ADAMTS7: variants seen among roughly 807,000 people sequenced by gnomAD.
ADAMTS7 encodes the protein ADAM metallopeptidase with thrombospondin type 1 motif 7, also known as A disintegrin and metalloproteinase with thrombospondin motifs 7.
A neutral mutation model predicts 172.6 loss-of-function variants in ADAMTS7; 89 were observed. The observed-to-expected ratio is 0.52, with a 90% CI of 0.43 to 0.61. ADAMTS7 has a LOEUF of 0.61. ADAMTS7 is among the 20% of genes least tolerant of loss of function. The pLI is 0.00. For missense variants in ADAMTS7, 1,973 were observed against 2,355.6 expected (o/e 0.84, Z 3.36); for synonymous variants, 885 against 978.4 (o/e 0.90, Z 1.78).
chr15:78,791,337 G>C, intron 4 of ADAMTS7, 114 bp from the exon 5 acceptor site: 1 of 772,692 alleles, frequency 1.3e-6, no homozygotes, highest in South Asian at 1.7e-5. Flanking sequence ...CTCACACACA[G>C]GGACTCTCAC....
chr15:78,790,618 C>T (rs746066894), intron 6 of ADAMTS7, 52 bp downstream of exon 6: 2 of 1,603,454 alleles, frequency 1.2e-6, no homozygotes, highest in Admixed American at 3.3e-5. Context: ...TTCTGCAGGG[C>T]CGGGAAGCAC....
intron 8 of ADAMTS7, among the ~76,000 whole-genome samples, chr15:78,787,966 C>T (rs1016767553): frequency 6.7e-6 from 1 of 149,970 alleles, no homozygotes; most frequent in Non-Finnish European, 1.5e-5. Context: ...TGAATTCTTG[C>T]TCCTCCTCCA....
At chr15:78,779,553 G>T (rs1462944924) in intron 8 of ADAMTS7, among the ~76,000 whole-genome samples, 1 of 152,210 alleles carries the variant, frequency 6.6e-6, no homozygotes, top group African/African-American at 2.4e-5. Context: ...AGACCTGGTG[G>T]GGAGAAAGGA....
At chr15:78,777,613 G>A (rs1215440963) in intron 8 of ADAMTS7, 25 bp from the exon 9 acceptor site, 1 of 1,587,074 alleles carries the variant, frequency 6.3e-7, no homozygotes, top group East Asian at 2.3e-5. Flanking sequence ...GGAGGATGGA[G>A]GGGGGCGCAG....
chr15:78,788,395 CA>C (rs764383942), intron 7 of ADAMTS7, 21 bp from the exon 8 acceptor site: 1 of 1,610,290 alleles, frequency 6.2e-7, no homozygotes, highest in African/African-American at 1.3e-5. Context: ...GCACAGGCCC[CA>C]GGGGCGGGTG....
chr15:78,788,035 G>T (rs1226716163), intron 8 of ADAMTS7, among the ~76,000 whole-genome samples, 196 bp downstream of exon 8: 1 of 152,122 alleles, frequency 6.6e-6, no homozygotes, highest in Non-Finnish European at 1.5e-5. Context: ...TTTGCCAGGT[G>T]CCCCTCTGTT....
intron 23 of ADAMTS7, among the ~76,000 whole-genome samples, chr15:78,760,540 C>T (rs986887684): frequency 3.2e-4 from 48 of 152,198 alleles, no homozygotes; most frequent in African/African-American, 9.9e-4. Context: ...GCATCCTGGT[C>T]GCCCGGGGTG....
At position 78,766,614 on chromosome 15, in the gene ADAMTS7, G is replaced by C. The variant is rs762209243; in HGVS notation, c.3297C>G (p.His1099Gln). The change falls in exon 19 of 24, where the codon CAC becomes CAG. Residue 1099 changes from histidine to glutamine, a missense_variant. By Grantham distance (24) the His-to-Gln change is conservative (BLOSUM62 0). Around this residue, in one of 8 missense-constraint regions of ADAMTS7, gnomAD observed 771 missense variants for 952.6 expected, o/e 0.81. Coordinates refer to ENST00000388820, the MANE Select transcript of ADAMTS7 (RefSeq NM_014272.5). ...AGTGDRTPPP[H>Q]SHPAAPSTGS... is the part of the protein sequence containing the mutation. ...CCGTGGAGGGCGCAGCAGGATGGCT[G>C]TGTGGTGGGGGTGTCCGGTCCCCTG... is the stretch of plus-strand genomic sequence containing the variant. The C allele has an allele frequency of 1.3e-5, 21 of 1,607,288 alleles. No individual in the cohort carries two copies. Among genetic ancestry groups the C allele is most frequent in the Non-Finnish European group, 1.6e-5 (19 of 1,178,086 alleles).
intron 8 of ADAMTS7, 65 bp downstream of exon 8, chr15:78,788,166 C>T (rs2055531310): frequency 5.7e-6 from 9 of 1,590,102 alleles, no homozygotes; most frequent in Admixed American, 1.7e-5. Context: ...TGACTGTCTG[C>T]ATCTCTCCCA....
chr15:78,796,214 G>C (rs1258472655), intron 4 of ADAMTS7, among the ~76,000 whole-genome samples: 1 of 152,158 alleles, frequency 6.6e-6, no homozygotes, highest in Non-Finnish European at 1.5e-5. Flanking sequence ...TGTGTTTCCA[G>C]CATCTAGCAC....
In ADAMTS7 at chr15:78,764,042, G is replaced by A. The variant is rs756082675; in HGVS notation, c.4477C>T (p.Arg1493Trp). The A allele has an allele frequency of 1.0e-5, 16 of 1,539,494 alleles. No homozygotes were observed. Among genetic ancestry groups the A allele is most frequent in the East Asian group, 2.4e-5 (1 of 40,952 alleles). ...AAGGGCCGCAGTGGCCGGAGGTCCCGTGTGTCCACACACTGCACGTCCCGC... is the reference window on the plus strand; with the variant it reads ...AAGGGCCGCAGTGGCCGGAGGTCCCATGTGTCCACACACTGCACGTCCCGC... ...SVRDVQCVDT[R>W]DLRPLRPFHC... Residue 1493 changes from arginine (R) to tryptophan (W), a missense_variant, in exon 21 of 24, where the codon CGG becomes TGG. Physicochemically the swap from Arg to Trp is moderately radical, Grantham distance 101. Around this residue, in one of 8 missense-constraint regions of ADAMTS7, gnomAD observed 218 missense variants for 216.9 expected, o/e 1.01. Transcript: ENST00000388820.
chr15:78,772,142 C>A (rs1479260414), intron 14 of ADAMTS7, among the ~76,000 whole-genome samples: 12 of 152,290 alleles, frequency 7.9e-5, no homozygotes, highest in Non-Finnish European at 1.3e-4. Context: ...AGTGCCCAGG[C>A]CTTTCTCCTG....
intron 3 of ADAMTS7, 92 bp downstream of exon 3, chr15:78,797,856 G>T: frequency 7.0e-7 from 1 of 1,422,272 alleles, no homozygotes. Flanking sequence ...AAGGGGCACT[G>T]GGCATGGGGA....
At chr15:78,787,589 G>A (rs1470592729) in intron 8 of ADAMTS7, among the ~76,000 whole-genome samples, 2 of 152,108 alleles carry the variant, frequency 1.3e-5, no homozygotes, top group African/African-American at 2.4e-5. Flanking sequence ...GCTTGAACCC[G>A]GGAGGCGGAG....
Position 78,789,776 on chromosome 15 carries a change from C to T in ADAMTS7, c.1091G>A (p.Gly364Asp), listed in dbSNP as rs776159716. ...CETLGLSHVA[G>D]MCQPHRSCSI... is the part of the protein sequence containing the mutation. ...GCAGCTGCGGTGCGGCTGGCACATGCCCGCCACATGGGACAGTCCCAGGGT... is the reference window on the plus strand; with the variant it reads ...GCAGCTGCGGTGCGGCTGGCACATGTCCGCCACATGGGACAGTCCCAGGGT... The change falls in exon 7 of 24, where the codon GGC becomes GAC. Residue 364 changes from glycine to aspartate, a missense_variant. Around this residue, in one of 8 missense-constraint regions of ADAMTS7, gnomAD observed 526 missense variants for 662.9 expected, o/e 0.79. Transcript: ENST00000388820. The T allele has an allele frequency of 1.2e-6, 2 of 1,609,072 alleles. No individual in the cohort carries two copies. The highest frequency in any genetic ancestry group is 1.1e-5 in the South Asian group (1 of 90,124).
chr15:78,779,053 C>T (rs1223863095), intron 8 of ADAMTS7, among the ~76,000 whole-genome samples: 9 of 152,090 alleles, frequency 5.9e-5, no homozygotes, highest in Non-Finnish European at 1.2e-4. Flanking sequence ...GCGTGGTCTC[C>T]TAAATCCCCC....
chr15:78,799,665 G>C lies in ADAMTS7; in HGVS notation c.456+527C>G, dbSNP rs567533105. Among the ~76,000 whole-genome samples, 228 of 152,066 alleles carry C rather than the reference G, an allele frequency of 1.5e-3. 2 individuals carry two copies. The highest frequency in any genetic ancestry group is 4.0e-3 in the South Asian group (19 of 4,780). ...TTCAGTTACTTAGTCCAGTCAAACG[G>C]AGGTTCTCAAAATGGGATCTCTGGA... On this transcript the variant is annotated intron_variant, in intron 2 of 23. Coordinates refer to ENST00000388820, the MANE Select transcript of ADAMTS7 (RefSeq NM_014272.5).
At chr15:78,794,957 T>C (rs1485810696) in intron 4 of ADAMTS7, among the ~76,000 whole-genome samples, 1 of 152,202 alleles carries the variant, frequency 6.6e-6, no homozygotes, top group East Asian at 1.9e-4. Flanking sequence ...CCTCAAGTGA[T>C]CTGCCCACCT....
At chr15:78,794,425 C>A (rs773196830) in intron 4 of ADAMTS7, among the ~76,000 whole-genome samples, 1 of 152,240 alleles carries the variant, frequency 6.6e-6, no homozygotes, top group African/African-American at 2.4e-5. Flanking sequence ...TCCCTGCCAT[C>A]CCTGCAGCCT....
Sources: gnomAD v4.1 joint callset for allele counts (sites outside exome capture counted in the v4.1 genomes callset) on GRCh38, gnomAD v4.1.1 for gene constraint, gnomAD v4.1.1 regional missense constraint, MANE v1.5 for transcripts, NCBI Gene and HGNC (gene_info 2026-07-23, HGNC 2026-07-21) for gene names.